Variants in PPL observed in about 807,000 individuals in gnomAD.
PPL encodes periplakin.
Under a neutral mutation model 194.4 loss-of-function variants are expected in PPL, and 198 were observed. The observed-to-expected ratio is 1.02, with a 90% CI of 0.91 to 1.15. The LOEUF (loss-of-function observed/expected upper bound fraction) is 1.15, where lower values mean the gene tolerates loss of function less well. Among genes scored for constraint, PPL ranks in the 50% most tolerant of loss-of-function variants. The pLI is 0.00. For synonymous variants in PPL, 1,220 were observed against 972.4 expected, an observed-to-expected ratio of 1.25 and a Z score of -4.74; for missense variants, 2,885 against 2,294.8, an observed-to-expected ratio of 1.26 and a Z score of -5.25.
At chr16:4,892,339 T>G in intron 14 of PPL, 126 bp from the exon 15 acceptor site, 2 of 1,078,390 alleles carry the variant, frequency 1.9e-6, no homozygotes, top group East Asian at 2.6e-5. Context: ...GCCTGGCACA[T>G]TCTGGGGCTC....
intron 1 of PPL, among the ~76,000 whole-genome samples, chr16:4,924,975 C>T (rs562527286): frequency 1.4e-4 from 21 of 152,370 alleles, no homozygotes; most frequent in African/African-American, 4.8e-4. Flanking sequence ...ACTCTCCTCC[C>T]ATGTGTGGAC....
At chr16:4,914,295 G>C (rs1022012637) in intron 1 of PPL, among the ~76,000 whole-genome samples, 7 of 152,130 alleles carry the variant, frequency 4.6e-5, no homozygotes, top group South Asian at 4.1e-4. Flanking sequence ...CACTAACCCA[G>C]ACCTGCTGAA....
Position 4,895,317 on chromosome 16 carries a change from C to G in PPL, c.1186G>C (p.Glu396Gln). 6.2e-7 allele frequency: 1 copy of G among 1,613,298 alleles called. No individual in the cohort carries two copies. The highest frequency in any genetic ancestry group is 1.1e-5 in the South Asian group (1 of 91,084). The change falls in exon 11 of 22, where the codon GAG becomes CAG. Residue 396 changes from glutamate (E) to glutamine (Q), a missense_variant. Coordinates refer to ENST00000345988, the MANE Select transcript of PPL (RefSeq NM_002705.5). Reference sequence around the variant, plus strand: ...ACGGGGATGGGCTTGAGCGGAGTCTCCCGGCGGTACTTGAGGGGCACCACC... The same window carrying G: ...ACGGGGATGGGCTTGAGCGGAGTCTGCCGGCGGTACTTGAGGGGCACCACC... ...QQVVPLKYRR[E>Q]TPLKPIPVEA...
At chr16:4,930,614 G>A (rs928932681) in intron 1 of PPL, among the ~76,000 whole-genome samples, 5 of 152,300 alleles carry the variant, frequency 3.3e-5, no homozygotes, top group East Asian at 1.9e-4. Context: ...TGGCTACCCC[G>A]GAGTCACATA....
In PPL at chr16:4,900,451, TTTTTTA is replaced by T. The variant is rs1055224393; in HGVS notation, c.606+373_606+378del. On this transcript the variant is annotated intron_variant, in intron 6 of 21. Transcript: ENST00000345988. ...CTGCACGCCTTTTTTTTTTTTTTTT[TTTTTTA>T]AAGGCAGGGTTTTGCTCTGTTTCCC... is the stretch of plus-strand genomic sequence containing the variant. 3.0e-4 allele frequency among the ~76,000 whole-genome samples: 38 copies of T among 128,078 alleles called. 1 individual carries two copies. Among genetic ancestry groups the T allele is most frequent in the Non-Finnish European group, 3.3e-4 (20 of 60,344 alleles). The allele number at this position is 128,078 out of a possible 152,430, so 84.0% of individuals were successfully genotyped here. A position where few individuals can be genotyped will look rare whatever the true frequency, so the allele number is the denominator to read the frequency against.
intron 1 of PPL, among the ~76,000 whole-genome samples, chr16:4,922,780 C>T (rs1011229698): frequency 3.0e-5 from 2 of 66,544 alleles, no homozygotes; most frequent in African/African-American, 6.0e-5. Context: ...CCACACTGTT[C>T]ACGCTGATCC....
At chr16:4,930,152 C>A (rs765785033) in intron 1 of PPL, among the ~76,000 whole-genome samples, 1 of 152,186 alleles carries the variant, frequency 6.6e-6, no homozygotes, top group Non-Finnish European at 1.5e-5. Flanking sequence ...TACACACATC[C>A]CCGTCACCTT....
chr16:4,895,629 G>C lies in PPL; in HGVS notation c.1060C>G (p.Arg354Gly). 6.2e-7 allele frequency: 1 copy of C among 1,614,034 alleles called. No individual in the cohort carries two copies. The change falls in exon 10 of 22, where the codon CGG becomes GGG. Residue 354 changes from arginine (R) to glycine (G), a missense_variant. Coordinates refer to ENST00000345988, the MANE Select transcript of PPL (RefSeq NM_002705.5). Reference protein sequence around the residue: ...NQKYGPDFKDRYQIELLLREL... With the variant: ...NQKYGPDFKDGYQIELLLREL... Reference sequence around the variant, plus strand: ...CGCAGCAGCAGCTCAATCTGGTACCGGTCCTTGAAGTCAGGGCCATACTTC... The same window carrying C: ...CGCAGCAGCAGCTCAATCTGGTACCCGTCCTTGAAGTCAGGGCCATACTTC...
chr16:4,886,222 G>GA (rs1263362440), intron 21 of PPL, among the ~76,000 whole-genome samples, 175 bp from the exon 22 acceptor site: 6 of 150,028 alleles, frequency 4.0e-5, no homozygotes, highest in Admixed American at 1.3e-4. Context: ...CAACTAGTTT[G>GA]GGGTTTTTTT....
chr16:4,885,830 G>A lies in PPL; in HGVS notation c.2825C>T (p.Pro942Leu), dbSNP rs142210645. The change falls in exon 22 of 22, where the codon CCG becomes CTG. Residue 942 changes from proline (P) to leucine (L), a missense_variant. Physicochemically the swap from Pro to Leu is moderately conservative, Grantham distance 98 (BLOSUM62 -3). Transcript: ENST00000345988. This position sits in a 1 kb window ranked among gnomAD's most constrained non-coding sequence, Gnocchi z 6.3. ...GAAGCTCTCCTCCAGCACGGGATCC[G>A]GCACCTTCTTGAGCACCTCCTTCCT... is the stretch of plus-strand genomic sequence containing the variant. Reference protein sequence around the residue: ...VVRKEVLKKVPDPVLEESFQQ... With the variant: ...VVRKEVLKKVLDPVLEESFQQ... The A allele has an allele frequency of 2.2e-3, 3,546 of 1,607,830 alleles. 38 individuals carry two copies. The highest frequency in any genetic ancestry group is 1.6e-3 in the Non-Finnish European group (1,831 of 1,179,954).
chr16:4,885,032 T>G lies in PPL; in HGVS notation c.3623A>C (p.Gln1208Pro). The G allele has an allele frequency of 6.2e-7, 1 of 1,613,796 alleles. No homozygotes were observed. Among genetic ancestry groups the G allele is most frequent in the Non-Finnish European group, 8.5e-7 (1 of 1,180,022 alleles). Residue 1208 changes from glutamine (Q) to proline (P), a missense_variant, in exon 22 of 22, where the codon CAG becomes CCG. Coordinates refer to ENST00000345988, the MANE Select transcript of PPL (RefSeq NM_002705.5). The surrounding 1 kb of genome is among the most constrained non-coding windows in gnomAD (Gnocchi z 6.3). ...CAGCTCACTCTGGTAGCTCCGGAGC[T>G]GCTCCTCGGCACCCCGGTACTTTCG... ...QERKYRGAEEQLRSYQSELEA... is the reference protein window; with the variant it reads ...QERKYRGAEEPLRSYQSELEA...
rs1567994046 is a variant in PPL, at chr16:4,890,183, C to A, written c.2313+1G>T. The A allele has an allele frequency of 3.1e-6, 5 of 1,614,150 alleles. No homozygotes were observed. The highest frequency in any genetic ancestry group is 2.2e-5 in the East Asian group (1 of 44,886). ...TGGGGCTGCGGAAACGGCCATCTCA[C>A]CTTCTGGTTCTTCAGCTTGGTCTCC... is the stretch of plus-strand genomic sequence containing the variant. On this transcript the variant is annotated splice_donor_variant, in intron 18 of 21. Transcript: ENST00000345988. LOFTEE classifies it high-confidence loss of function.
In PPL at chr16:4,883,304, G is replaced by A; in HGVS notation, c.*80C>T. The A allele has an allele frequency of 1.9e-6, 3 of 1,586,182 alleles. No homozygotes were observed. The highest frequency in any genetic ancestry group is 2.2e-5 in the South Asian group (2 of 89,858). ...ATGCTTGGCCTGCACCAGGGCAAGG[G>A]AGAGGACGACACCAAGGAGGTCACT... On this transcript the variant is annotated 3_prime_UTR_variant, in exon 22 of 22. Coordinates refer to ENST00000345988, the MANE Select transcript of PPL (RefSeq NM_002705.5). The surrounding 1 kb of genome is among the most constrained non-coding windows in gnomAD (Gnocchi z 4.8).
Position 4,884,503 on chromosome 16 carries a change from C to G in PPL, c.4152G>C (p.Lys1384Asn). The G allele has an allele frequency of 1.2e-6, 2 of 1,609,116 alleles. No individual in the cohort carries two copies. The highest frequency in any genetic ancestry group is 3.3e-4 in the Middle Eastern group (2 of 6,034). ...GCAGCCGCCGCAGCTCTGCCCGCAG[C>G]TTGTCAATCTGCCGCAGCTCCACAT... ...SIDVELRQIDKLRAELRRLQR... is the reference protein window; with the variant it reads ...SIDVELRQIDNLRAELRRLQR... Residue 1384 changes from lysine to asparagine, a missense_variant, in exon 22 of 22, where the codon AAG becomes AAC. Physicochemically the swap from Lys to Asn is moderately conservative, Grantham distance 94. Coordinates refer to ENST00000345988, the MANE Select transcript of PPL (RefSeq NM_002705.5). The surrounding 1 kb of genome is among the most constrained non-coding windows in gnomAD (Gnocchi z 5.7).
rs549081187 is a variant in PPL, at chr16:4,933,934, C to A, written c.62+3050G>T. 8.5e-5 allele frequency among the ~76,000 whole-genome samples: 13 copies of A among 152,358 alleles called. No homozygotes were observed. The East Asian group carries it at 1.3e-3, about 16-fold the overall frequency. On this transcript the variant is annotated intron_variant, in intron 1 of 21. Transcript: ENST00000345988. ...TCACAGATGCTATTACCTGCGGCCG[C>A]TTATCATTCACAACCTTTCCCCTGC...
At position 4,902,440 on chromosome 16, in the gene PPL, T is replaced by G. The variant is rs2088593202; in HGVS notation, c.404A>C (p.Gln135Pro). 35 of 1,614,072 alleles carry G rather than the reference T, an allele frequency of 2.2e-5. No individual in the cohort carries two copies. The highest frequency in any genetic ancestry group is 2.7e-5 in the Non-Finnish European group (32 of 1,179,984). Residue 135 changes from glutamine (Q) to proline (P), a missense_variant, in exon 4 of 22, where the codon CAG becomes CCG. Coordinates refer to ENST00000345988, the MANE Select transcript of PPL (RefSeq NM_002705.5). The surrounding 1 kb of genome is among the most constrained non-coding windows in gnomAD (Gnocchi z 4.0). The stretch of plus-strand genomic sequence containing the variant: ...CTCCACCAGTGCCGCCCAGTTGACC[T>G]GTGGATCCACTTCCTTCACCGCCAG... Reference protein sequence around the residue: ...YRLAVKEVDPQVNWAALVEEK... With the variant: ...YRLAVKEVDPPVNWAALVEEK...
chr16:4,911,724 G>A (rs1357221321), intron 1 of PPL, among the ~76,000 whole-genome samples: 1 of 151,920 alleles, frequency 6.6e-6, no homozygotes, highest in Non-Finnish European at 1.5e-5. Flanking sequence ...TTTTGGTAGA[G>A]AAGGGGTTTC....
rs974816814 is a variant in PPL, at chr16:4,885,520, C to T, written c.3135G>A (p.Lys1045=). ...QQRVAALAEE[K]SRAQEKVTEK... ...CTGTGACCTTCTCCTGCGCCCGGCT[C>T]TTCTCTTCAGCCAGGGCGGCCACAC... Residue 1045 remains lysine (K), a synonymous_variant, in exon 22 of 22, where the codon AAG becomes AAA. Transcript: ENST00000345988. This position sits in a 1 kb window ranked among gnomAD's most constrained non-coding sequence, Gnocchi z 6.3. The T allele has an allele frequency of 3.1e-6, 5 of 1,611,230 alleles. No homozygotes were observed. The highest frequency in any genetic ancestry group is 1.3e-5 in the African/African-American group (1 of 74,904).
intron 2 of PPL, among the ~76,000 whole-genome samples, chr16:4,908,716 T>G (rs941618279): frequency 6.3e-5 from 6 of 95,196 alleles, no homozygotes; most frequent in Non-Finnish European, 1.2e-4. Context: ...ATTTTTCATA[T>G]TTTTTGTAGA....
Sources: allele counts gnomAD v4.1 joint callset (sites outside exome capture counted in the v4.1 genomes callset), GRCh38; gene constraint gnomAD v4.1.1; non-coding constraint Gnocchi (gnomAD v3.1); transcripts MANE v1.5; gene names NCBI Gene and HGNC (gene_info 2026-07-23, HGNC 2026-07-21).